Variants in TEKTIP1 observed in about 807,000 individuals in gnomAD.
TEKTIP1 encodes the protein tektin bundle interacting protein 1.
chr19:3,539,420 C>G, the TEKTIP1 span: 4 of 593,538 alleles, frequency 6.7e-6, no homozygotes, highest in Non-Finnish European at 1.2e-5. Context: ...CTGTTCCCCT[C>G]CGGCCAGTGG....
the TEKTIP1 span, chr19:3,543,731 C>T: frequency 4.3e-4 from 647 of 1,496,194 alleles, no homozygotes; most frequent in Middle Eastern, 1.2e-3. Context: ...GACAAGGCCA[C>T]CTAGGCCAGG....
chr19:3,540,480 TCTC>T, the TEKTIP1 span, among the ~76,000 whole-genome samples: 10 of 150,852 alleles, frequency 6.6e-5, no homozygotes, highest in African/African-American at 2.2e-4. Flanking sequence ...ATGGTCTCGA[TCTC>T]CTGACCTCAT....
chr19:3,541,187 T>C, the TEKTIP1 span, among the ~76,000 whole-genome samples: 1 of 97,824 alleles, frequency 1.0e-5, no homozygotes, highest in South Asian at 3.6e-4. Flanking sequence ...AAAAAAAAAA[T>C]CAACCAGGCA....
At chr19:3,541,621 C>G in the TEKTIP1 span, 1 of 984,096 alleles carries the variant, frequency 1.0e-6, no homozygotes, top group Non-Finnish European at 1.2e-6. Flanking sequence ...GCACCCAGTG[C>G]AAGACCCTAT....
chr19:3,542,509 T>G, the TEKTIP1 span: 13 of 968,820 alleles, frequency 1.3e-5, no homozygotes, highest in Admixed American at 6.8e-4. Context: ...AGTCTCACTC[T>G]GTTGCCCAGG....
At chr19:3,542,640 C>G in the TEKTIP1 span, 1 of 1,065,624 alleles carries the variant, frequency 9.4e-7, no homozygotes, top group Non-Finnish European at 1.2e-6. Context: ...CCACACCATG[C>G]CTGGCTTAAT....
At chr19:3,543,764 A>C in the TEKTIP1 span, 6 of 1,490,098 alleles carry the variant, frequency 4.0e-6, no homozygotes, top group Non-Finnish European at 4.5e-6. Context: ...GGGGCGATCC[A>C]GGAGCCCCTT....
the TEKTIP1 span, chr19:3,539,227 C>CCCT: frequency 6.4e-7 from 1 of 1,550,546 alleles, no homozygotes; most frequent in Non-Finnish European, 8.7e-7. Flanking sequence ...CCCTCGGGGA[C>CCCT]CCTCGAGGCC....
the TEKTIP1 span, among the ~76,000 whole-genome samples, chr19:3,540,632 C>A: frequency 2.6e-5 from 4 of 151,640 alleles, no homozygotes. Flanking sequence ...GTAATTCCAG[C>A]ACTTTCGGAG....
chr19:3,541,204 C>T, the TEKTIP1 span, among the ~76,000 whole-genome samples: 1 of 148,094 alleles, frequency 6.8e-6, no homozygotes, highest in Non-Finnish European at 1.5e-5. Context: ...GGCATGGCGG[C>T]ACGTGCCTGT....
chr19:3,543,649 G>T, the TEKTIP1 span: 3 of 1,543,578 alleles, frequency 1.9e-6, no homozygotes, highest in Admixed American at 2.0e-5. Flanking sequence ...GCGCGCTGTG[G>T]AAAGACAGGC....
chr19:3,543,051 T>A, the TEKTIP1 span: 1 of 1,603,000 alleles, frequency 6.2e-7, no homozygotes, highest in African/African-American at 1.3e-5. Context: ...AGTCAGCCTC[T>A]CTCCTCAAGC....
chr19:3,542,412 G>A, the TEKTIP1 span: 9 of 985,360 alleles, frequency 9.1e-6, no homozygotes, highest in Non-Finnish European at 1.1e-5. Flanking sequence ...CTTGTTTTCT[G>A]GGATGACTTC....
chr19:3,542,891 G>A, the TEKTIP1 span: 103 of 1,408,684 alleles, frequency 7.3e-5, 2 homozygotes, highest in South Asian at 7.0e-4. Context: ...GGACTTGTGG[G>A]TCTTGGAGGC....
At chr19:3,543,393 G>A in the TEKTIP1 span, 223 of 1,548,956 alleles carry the variant, frequency 1.4e-4, no homozygotes, top group Non-Finnish European at 1.7e-4. Context: ...AACCTGCCAC[G>A]GGCCCCGGCC....
chr19:3,543,952 C>T, the TEKTIP1 span: 1 of 1,550,956 alleles, frequency 6.4e-7, no homozygotes, highest in Non-Finnish European at 8.7e-7. Context: ...GTCCTGGAAC[C>T]ATACTGCCCC....
At chr19:3,540,360 C>T in the TEKTIP1 span, among the ~76,000 whole-genome samples, 15 of 151,702 alleles carry the variant, frequency 9.9e-5, no homozygotes, top group South Asian at 2.1e-4. Flanking sequence ...CTGGTTCGAG[C>T]GATTCTCCTG....
the TEKTIP1 span, chr19:3,543,919 C>T: frequency 6.4e-7 from 1 of 1,551,120 alleles, no homozygotes; most frequent in East Asian, 2.4e-5. Context: ...CCGCCCGGCA[C>T]CACCCAGAAC....
At chr19:3,543,179 G>T in the TEKTIP1 span, 1 of 1,525,586 alleles carries the variant, frequency 6.6e-7, no homozygotes, top group South Asian at 1.2e-5. Flanking sequence ...ATCGCAAAGG[G>T]GTCAAAGCAC....
Sources: gnomAD v4.1 joint callset for allele counts (sites outside exome capture counted in the v4.1 genomes callset) on GRCh38, gnomAD v4.1.1 for gene constraint, MANE v1.5 for transcripts, NCBI Gene and HGNC (gene_info 2026-07-23, HGNC 2026-07-21) for gene names.